The following LIN52 variants were observed in gnomAD, a reference collection of about 807,000 sequenced individuals.
The protein encoded by LIN52 is lin-52 DREAM MuvB core complex component.
Under a neutral mutation model 18.5 loss-of-function variants are expected in LIN52, and 4 were observed. That is an observed-to-expected ratio of 0.22 (90% CI 0.11 to 0.49). The LOEUF (loss-of-function observed/expected upper bound fraction) is 0.49. LIN52 is among the 20% of genes least tolerant of loss of function. LIN52 has a pLI of 0.97. For missense variants in LIN52, 102 were observed against 139.5 expected (o/e 0.73, Z 1.35); for synonymous variants, 34 against 45.5 (o/e 0.75, Z 1.02).
chr14:74,103,931 C>T (rs1360633617), intron 5 of LIN52, among the ~76,000 whole-genome samples: 2 of 145,906 alleles, frequency 1.4e-5, no homozygotes, highest in East Asian at 2.0e-4. Flanking sequence ...CTCGCTCTGT[C>T]GCCAGGTTGG....
chr14:74,181,264 C>G (rs1330382385), intron 5 of LIN52, among the ~76,000 whole-genome samples: 1 of 151,636 alleles, frequency 6.6e-6, no homozygotes, highest in Non-Finnish European at 1.5e-5. Flanking sequence ...GGCAATGTAG[C>G]GAGACCTCAT....
intron 5 of LIN52, among the ~76,000 whole-genome samples, chr14:74,140,281 A>G (rs1788875114): frequency 6.6e-6 from 1 of 152,154 alleles, no homozygotes; most frequent in Non-Finnish European, 1.5e-5. Flanking sequence ...AGTTATGGTG[A>G]CTGGATTCTC....
intron 5 of LIN52, among the ~76,000 whole-genome samples, chr14:74,196,404 T>C (rs2078912472): frequency 6.6e-6 from 1 of 152,292 alleles, no homozygotes; most frequent in South Asian, 2.1e-4. Context: ...GCAGAAATCA[T>C]TGGTTAGAGC....
chr14:74,085,296 G>T, intron 1 of LIN52: 1 of 296,790 alleles, frequency 3.4e-6, no homozygotes, highest in Non-Finnish European at 6.2e-6. Flanking sequence ...GGGCGAGGCT[G>T]AGGGTCGAGG....
chr14:74,158,120 TA>T (rs754118660), intron 5 of LIN52, among the ~76,000 whole-genome samples: 592 of 48,544 alleles, frequency 0.012, 9 homozygotes, highest in Middle Eastern at 0.058. Flanking sequence ...TATATATATA[TA>T]TATATTTTTT....
intron 5 of LIN52, among the ~76,000 whole-genome samples, chr14:74,190,922 C>G (rs1435661358): frequency 1.3e-5 from 2 of 152,244 alleles, no homozygotes; most frequent in Non-Finnish European, 2.9e-5. Context: ...TCCAGTGACA[C>G]TGTGTGCTCT....
At chr14:74,102,236 C>G (rs1412827260) in intron 5 of LIN52, among the ~76,000 whole-genome samples, 1 of 152,178 alleles carries the variant, frequency 6.6e-6, no homozygotes, top group Non-Finnish European at 1.5e-5. Flanking sequence ...GAGTAAGACT[C>G]TGTCTCAAAA....
chr14:74,144,387 G>C (rs982490583), intron 5 of LIN52, among the ~76,000 whole-genome samples: 1 of 151,982 alleles, frequency 6.6e-6, no homozygotes, highest in East Asian at 1.9e-4. Context: ...TTGGCCTTCC[G>C]AAAGGCAGGG....
chr14:74,122,874 A>G lies in LIN52; in HGVS notation c.283+21636A>G, dbSNP rs955947849. The stretch of plus-strand genomic sequence containing the variant: ...CAGAGTGAGACTCTGTCTCAAAAAA[A>G]CAAAACAAACAAACAAAAACAAAAA... On this transcript the variant is annotated intron_variant, in intron 5 of 5. Coordinates refer to ENST00000555028, the MANE Select transcript of LIN52 (RefSeq NM_001024674.3). Among the ~76,000 whole-genome samples, 9 of 143,612 alleles carry G rather than the reference A, an allele frequency of 6.3e-5. No individual in the cohort carries two copies. The Admixed American group carries it at 6.4e-4, about 10-fold the overall frequency. 94.2% of individuals were successfully genotyped at this position (143,612 alleles called of 152,430 possible).
At chr14:74,155,329 A>G (rs1229533242) in intron 5 of LIN52, among the ~76,000 whole-genome samples, 1 of 152,262 alleles carries the variant, frequency 6.6e-6, no homozygotes, top group Non-Finnish European at 1.5e-5. Flanking sequence ...TGTTTAATAA[A>G]TGAATTGTGA....
intron 5 of LIN52, among the ~76,000 whole-genome samples, chr14:74,106,052 T>C (rs1490512130): frequency 6.6e-6 from 1 of 152,250 alleles, no homozygotes; most frequent in African/African-American, 2.4e-5. Flanking sequence ...GCCTCTTGGC[T>C]TGATTTGGGC....
At chr14:74,096,260 A>G (rs1490048552) in intron 3 of LIN52, among the ~76,000 whole-genome samples, 5 of 152,166 alleles carry the variant, frequency 3.3e-5, no homozygotes, top group Admixed American at 3.3e-4. Flanking sequence ...GGGGTTCACC[A>G]TCTTGGTCAG....
chr14:74,130,278 G>GTTTGTTTGTTTTTTTTTTTTTTT (rs1555382571), intron 5 of LIN52, among the ~76,000 whole-genome samples: 2 of 64,842 alleles, frequency 3.1e-5, no homozygotes, highest in South Asian at 6.7e-4. Flanking sequence ...GCATTTTTTG[G>GTTTGTTTGTTTTTTTTTTTTTTT]TTTTTTTTTT....
At chr14:74,183,964 A>G (rs1008221937) in intron 5 of LIN52, among the ~76,000 whole-genome samples, 27 of 152,200 alleles carry the variant, frequency 1.8e-4, no homozygotes, top group African/African-American at 4.3e-4. Flanking sequence ...GGATCCAAAC[A>G]AGGTCTGTAC....
intron 5 of LIN52, among the ~76,000 whole-genome samples, chr14:74,188,418 T>C (rs2358634): frequency 0.82 from 123,978 of 151,948 alleles, 50,790 homozygotes; most frequent in Admixed American, 0.83. Context: ...TTGGATTTTA[T>C]AATTTCATGA....
intron 5 of LIN52, among the ~76,000 whole-genome samples, chr14:74,156,175 C>T (rs2061198246): frequency 6.6e-6 from 1 of 152,102 alleles, no homozygotes; most frequent in South Asian, 2.1e-4. Context: ...CAGGTAAAGT[C>T]ATATTAATGT....
At position 74,091,352 on chromosome 14, in the gene LIN52, A is replaced by G. The variant is rs1025658822; in HGVS notation, c.94+46A>G. ...TATCAGAGTCAATGCAGGAGAAACA[A>G]TGTTCCTTTTTAAAGAGATTTTTAA... is the stretch of plus-strand genomic sequence containing the variant. On this transcript the variant is annotated intron_variant, in intron 2 of 5. Coordinates refer to ENST00000555028, the MANE Select transcript of LIN52 (RefSeq NM_001024674.3). 7.4e-6 allele frequency: 9 copies of G among 1,223,708 alleles called. No individual in the cohort carries two copies. In the African/African-American group the frequency reaches 7.6e-5, roughly 10 times the overall value. 75.8% of individuals were successfully genotyped at this position (1,223,708 alleles called of 1,614,324 possible).
intron 5 of LIN52, among the ~76,000 whole-genome samples, chr14:74,124,833 A>AAAAT (rs1176711289): frequency 2.8e-4 from 41 of 147,928 alleles, no homozygotes; most frequent in African/African-American, 9.7e-4. Context: ...AAAAAAAAAA[A>AAAAT]GCTGAGAGGC....
At chr14:74,095,837 T>C in intron 2 of LIN52, 111 bp from the exon 3 acceptor site, 2 of 655,846 alleles carry the variant, frequency 3.0e-6, no homozygotes. Context: ...TTATTCTTTC[T>C]CTTCTTCTAA....
Sources: allele counts gnomAD v4.1 joint callset (sites outside exome capture counted in the v4.1 genomes callset), GRCh38; gene constraint gnomAD v4.1.1; transcripts MANE v1.5; gene names NCBI Gene and HGNC (gene_info 2026-07-23, HGNC 2026-07-21).